The following WDFY4 variants were observed in gnomAD, a reference collection of about 807,000 sequenced individuals.
WDFY4 encodes the protein WD repeat- and FYVE domain-containing protein 4.
WDFY4 carries 169 observed loss-of-function variants against 351.9 expected under a neutral mutation model. That is an observed-to-expected ratio of 0.48 (90% CI 0.42 to 0.55). The LOEUF (loss-of-function observed/expected upper bound fraction) is 0.55. Among genes scored for constraint, WDFY4 ranks in the 20% least tolerant of loss-of-function variants. The probability of loss-of-function intolerance (pLI) is 0.00; values close to 1 mark genes in which losing one functional copy is unlikely to be tolerated. For missense variants in WDFY4, 3,803 were observed against 3,935.6 expected, an observed-to-expected ratio of 0.97 and a Z score of 0.90; for synonymous variants, 1,622 against 1,574.6, an observed-to-expected ratio of 1.03 and a Z score of -0.71.
At chr10:48,889,399 G>C (rs1402193906) in intron 43 of WDFY4, among the ~76,000 whole-genome samples, 2 of 152,328 alleles carry the variant, frequency 1.3e-5, no homozygotes, top group East Asian at 3.9e-4. Flanking sequence ...CCTTGTCATT[G>C]CTCCCAAAGG....
At chr10:48,696,475 A>C (rs2063333860) in intron 1 of WDFY4, among the ~76,000 whole-genome samples, 1 of 152,326 alleles carries the variant, frequency 6.6e-6, no homozygotes, top group South Asian at 2.1e-4. Flanking sequence ...GCCAGGGCCA[A>C]ATCCTCACAT....
At chr10:48,826,987 G>A (rs2068030378) in intron 36 of WDFY4, 78 bp downstream of exon 36, 3 of 1,188,196 alleles carry the variant, frequency 2.5e-6, no homozygotes, top group Non-Finnish European at 3.6e-6. Flanking sequence ...GCTTGATTGA[G>A]GACTGAGTTC....
At chr10:48,770,188 A>G (rs925362983) in intron 13 of WDFY4, among the ~76,000 whole-genome samples, 2 of 152,254 alleles carry the variant, frequency 1.3e-5, no homozygotes, top group African/African-American at 4.8e-5. Flanking sequence ...TCTCTCCTCC[A>G]TTACGGGGTA....
At chr10:48,894,193 G>A (rs994161784) in intron 44 of WDFY4, among the ~76,000 whole-genome samples, 2 of 152,182 alleles carry the variant, frequency 1.3e-5, no homozygotes, top group African/African-American at 4.8e-5. Context: ...TCTACAAGCA[G>A]GAGGAAAATG....
intron 39 of WDFY4, among the ~76,000 whole-genome samples, chr10:48,846,858 G>A (rs879943453): frequency 6.6e-6 from 1 of 152,196 alleles, no homozygotes; most frequent in Non-Finnish European, 1.5e-5. Context: ...CTCTGAAGTC[G>A]CAGCAATGGG....
chr10:48,839,997 A>G (rs2068540992), intron 39 of WDFY4, among the ~76,000 whole-genome samples: 1 of 152,210 alleles, frequency 6.6e-6, no homozygotes, highest in South Asian at 2.1e-4. Context: ...CCTCTCTCCC[A>G]GTCTGGCCTG....
chr10:48,801,248 T>C (rs745737570), intron 24 of WDFY4, among the ~76,000 whole-genome samples: 3 of 152,218 alleles, frequency 2.0e-5, no homozygotes, highest in Non-Finnish European at 2.9e-5. Flanking sequence ...ACATTTGGCA[T>C]TATGTAATTT....
At chr10:48,981,225 A>G in intron 60 of WDFY4, 142 bp from the exon 61 acceptor site, 1 of 706,094 alleles carries the variant, frequency 1.4e-6, no homozygotes, top group Non-Finnish European at 2.3e-6. Flanking sequence ...CCAAGATTAA[A>G]TATATTTCCC....
intron 45 of WDFY4, among the ~76,000 whole-genome samples, chr10:48,899,946 G>A (rs556317805): frequency 2.6e-5 from 4 of 152,238 alleles, no homozygotes; most frequent in East Asian, 3.9e-4. Context: ...GCTTTCTCTC[G>A]TGTCTGCTTC....
At chr10:48,808,434 A>T (rs912495105) in intron 28 of WDFY4, among the ~76,000 whole-genome samples, 43 of 152,216 alleles carry the variant, frequency 2.8e-4, no homozygotes, top group African/African-American at 1.0e-3. Flanking sequence ...TCTAAAATCA[A>T]GTGTAATCAT....
intron 44 of WDFY4, among the ~76,000 whole-genome samples, chr10:48,893,599 T>C (rs1223557364): frequency 3.3e-5 from 5 of 152,228 alleles, no homozygotes; most frequent in Non-Finnish European, 7.3e-5. Flanking sequence ...CTCAGCACTA[T>C]GGTGGACTCC....
At chr10:48,820,544 G>A (rs2067786395) in intron 33 of WDFY4, 107 bp downstream of exon 33, 2 of 1,210,866 alleles carry the variant, frequency 1.7e-6, no homozygotes. Flanking sequence ...GGGGGCCACA[G>A]CGAGTGAAGG....
At chr10:48,774,435 C>T (rs2065963476) in intron 13 of WDFY4, 23 bp from the exon 14 acceptor site, 2 of 1,551,338 alleles carry the variant, frequency 1.3e-6, no homozygotes, top group Admixed American at 2.0e-5. Flanking sequence ...GGAGGGCTCA[C>T]AGCTTGCTTT....
chr10:48,866,660 G>A (rs1302422587), intron 39 of WDFY4, among the ~76,000 whole-genome samples: 1 of 152,188 alleles, frequency 6.6e-6, no homozygotes, highest in Non-Finnish European at 1.5e-5. Context: ...AGAGCAGATT[G>A]TTCAAATCTA....
At chr10:48,927,375 G>T (rs184666046) in intron 47 of WDFY4, among the ~76,000 whole-genome samples, 9 of 152,266 alleles carry the variant, frequency 5.9e-5, no homozygotes, top group African/African-American at 2.2e-4. Context: ...TGTGGGTGGT[G>T]GGGGGAGGGG....
chr10:48,821,192 C>T lies in WDFY4; in HGVS notation c.5824+16C>T, dbSNP rs752705521. On this transcript the variant is annotated intron_variant, in intron 34 of 61. Coordinates refer to ENST00000325239, the MANE Select transcript of WDFY4 (RefSeq NM_001394531.1). ...ATGTTCAGAGGTGAGTGGGGCAACTCGGTCCCCTCCATTCATGACATGAGG... is the reference window on the plus strand; with the variant it reads ...ATGTTCAGAGGTGAGTGGGGCAACTTGGTCCCCTCCATTCATGACATGAGG... 1.6e-5 allele frequency: 25 copies of T among 1,533,470 alleles called. No individual in the cohort carries two copies. Among genetic ancestry groups the T allele is most frequent in the South Asian group, 1.6e-4 (13 of 83,682 alleles). 95.0% of individuals were successfully genotyped at this position (1,533,470 alleles called of 1,614,324 possible). A position where few individuals can be genotyped will look rare whatever the true frequency, so the allele number is the denominator to read the frequency against.
chr10:48,714,117 G>A (rs959103762), intron 2 of WDFY4, among the ~76,000 whole-genome samples: 1 of 152,212 alleles, frequency 6.6e-6, no homozygotes, highest in South Asian at 2.1e-4. Context: ...GAGAGGCTTA[G>A]GGATGTTGCA....
intron 51 of WDFY4, among the ~76,000 whole-genome samples, chr10:48,951,555 T>C (rs920162664): frequency 3.9e-5 from 6 of 152,198 alleles, no homozygotes; most frequent in African/African-American, 1.4e-4. Context: ...GCTAGGACTA[T>C]AGATGTGCAC....
rs116516637 is a variant in WDFY4, at chr10:48,695,190, T to C, written c.-18+10189T>C. ...GTCCAAGGCTAATGAACCCTTATCC[T>C]TGAGGCTCCCAGGGATCTGCTTTTC... On this transcript the variant is annotated intron_variant, in intron 1 of 61. Coordinates refer to ENST00000325239, the MANE Select transcript of WDFY4 (RefSeq NM_001394531.1). Among the ~76,000 whole-genome samples, 942 of 152,332 alleles carry C rather than the reference T, an allele frequency of 6.2e-3. 9 individuals carry two copies. Among genetic ancestry groups the C allele is most frequent in the African/African-American group, 0.022 (907 of 41,572 alleles).
Sources: allele counts gnomAD v4.1 joint callset (sites outside exome capture counted in the v4.1 genomes callset), GRCh38; gene constraint gnomAD v4.1.1; transcripts MANE v1.5; gene names NCBI Gene and HGNC (gene_info 2026-07-23, HGNC 2026-07-21).